NFIA: variants seen among roughly 807,000 people sequenced by gnomAD.
NFIA encodes nuclear factor I A, also known as nuclear factor 1 A-type.
Under a neutral mutation model 62.8 loss-of-function variants are expected in NFIA, and 8 were observed. The observed-to-expected ratio is 0.13, with a 90% CI of 0.07 to 0.23. The LOEUF (loss-of-function observed/expected upper bound fraction) is 0.23, where lower values mean the gene tolerates loss of function less well. Among genes scored for constraint, NFIA ranks in the 10% least tolerant of loss-of-function variants. The probability of loss-of-function intolerance (pLI) is 1.00; values close to 1 mark genes in which losing one functional copy is unlikely to be tolerated. For missense variants in NFIA, 410 were observed against 642.1 expected (o/e 0.64, Z 3.91); for synonymous variants, 235 against 238.1 (o/e 0.99, Z 0.12).
intron 4 of NFIA, among the ~76,000 whole-genome samples, chr1:61,336,752 G>A (rs567715104): frequency 6.6e-6 from 1 of 152,164 alleles, no homozygotes; most frequent in African/African-American, 2.4e-5. Context: ...TGGTCTCAGT[G>A]TCCTACAATC....
chr1:61,352,270 T>G (rs901684303), intron 4 of NFIA, among the ~76,000 whole-genome samples, 180 bp from the exon 5 acceptor site: 1 of 152,226 alleles, frequency 6.6e-6, no homozygotes, highest in African/African-American at 2.4e-5. Flanking sequence ...AATATGCCTT[T>G]CCTGTATAGA....
chr1:61,459,602 G>C lies in NFIA; in HGVS notation c.*4282G>C, dbSNP rs978135903. The C allele has an allele frequency of 6.6e-6, 1 of 152,244 alleles. No individual in the cohort carries two copies. The highest frequency in any genetic ancestry group is 2.1e-4 in the South Asian group (1 of 4,828). The allele number at this position is 152,244 out of a possible 1,614,324, so 9.4% of individuals were successfully genotyped here. On this transcript the variant is annotated 3_prime_UTR_variant, in exon 11 of 11. Transcript: ENST00000403491. ...CAAGGTTACACCTCCCAGAGCTTGT[G>C]ATCTTCATTTTCTGACAGTCAAAGT...
intron 2 of NFIA, among the ~76,000 whole-genome samples, chr1:61,162,435 A>G (rs955000208): frequency 6.6e-6 from 1 of 152,226 alleles, no homozygotes; most frequent in African/African-American, 2.4e-5. Context: ...AGACAGAGTT[A>G]TAAATGATCT....
rs1255361345 is a variant in NFIA, at chr1:61,426,518, C to G, written c.1474C>G (p.Arg492Gly). Reference sequence around the variant, plus strand: ...AAACCGATTCGTCAGTGTTGGACCACGGGATCCAAGCTTTGTAAATATCCC... The same window carrying G: ...AAACCGATTCGTCAGTGTTGGACCAGGGGATCCAAGCTTTGTAAATATCCC... ...PANRFVSVGP[R>G]DPSFVNIPQQ... Residue 492 changes from arginine (R) to glycine (G), a missense_variant, in exon 10 of 11, where the codon CGG becomes GGG. Coordinates refer to ENST00000403491, the MANE Select transcript of NFIA (RefSeq NM_001134673.4). 2.6e-6 allele frequency: 4 copies of G among 1,551,940 alleles called. No homozygotes were observed. The South Asian group carries it at 4.8e-5, about 18-fold the overall frequency.
rs1445969902 is a variant in NFIA, at chr1:61,343,516, G to A, written c.701-8934G>A. 3.3e-5 allele frequency among the ~76,000 whole-genome samples: 5 copies of A among 152,236 alleles called. No homozygotes were observed. The South Asian group carries it at 6.2e-4, about 19-fold the overall frequency. On this transcript the variant is annotated intron_variant, in intron 4 of 10. Transcript: ENST00000403491. ...TCATGGGGTTAAAAAATATTCTACTGGCTTTTGTCACCTAATAGTACATTT... is the reference window on the plus strand; with the variant it reads ...TCATGGGGTTAAAAAATATTCTACTAGCTTTTGTCACCTAATAGTACATTT...
chr1:61,245,502 AATTG>A (rs1443111826), intron 2 of NFIA, among the ~76,000 whole-genome samples: 1 of 152,144 alleles, frequency 6.6e-6, no homozygotes, highest in East Asian at 1.9e-4. Flanking sequence ...TTCTATTAAT[AATTG>A]ATTATTATTT....
chr1:61,252,554 T>C (rs1396944665), intron 2 of NFIA, among the ~76,000 whole-genome samples: 1 of 152,244 alleles, frequency 6.6e-6, no homozygotes, highest in Non-Finnish European at 1.5e-5. Context: ...GAGAAGGTTG[T>C]AAAAATAAGA....
At chr1:61,086,764 A>G (rs1037587524) in intron 1 of NFIA, among the ~76,000 whole-genome samples, 4 of 152,208 alleles carry the variant, frequency 2.6e-5, no homozygotes, top group African/African-American at 9.6e-5. Flanking sequence ...ACATTTGAAC[A>G]TTTAAAAATT....
At chr1:61,383,184 A>C in intron 6 of NFIA, 53 bp from the exon 7 acceptor site, 1 of 1,600,640 alleles carries the variant, frequency 6.2e-7, no homozygotes, top group Non-Finnish European at 8.5e-7. Context: ...TAGGTTGCAC[A>C]AATCATTGTT....
At chr1:61,348,266 C>T (rs1557723152) in intron 4 of NFIA, among the ~76,000 whole-genome samples, 1 of 152,198 alleles carries the variant, frequency 6.6e-6, no homozygotes, top group Non-Finnish European at 1.5e-5. Flanking sequence ...TACCTACAGG[C>T]AGTTGCAGGG....
chr1:61,395,902 A>G (rs1008375925), intron 7 of NFIA, among the ~76,000 whole-genome samples: 5 of 152,240 alleles, frequency 3.3e-5, no homozygotes, highest in African/African-American at 1.2e-4. Context: ...AATATCCCAT[A>G]AACATTTTTA....
intron 3 of NFIA, among the ~76,000 whole-genome samples, chr1:61,327,471 C>T (rs1661013538): frequency 6.6e-6 from 1 of 151,968 alleles, no homozygotes; most frequent in Non-Finnish European, 1.5e-5. Flanking sequence ...CGTCTGCACA[C>T]CCATAGCTTA....
intron 9 of NFIA, among the ~76,000 whole-genome samples, chr1:61,413,564 G>A (rs1666203575): frequency 6.7e-6 from 1 of 150,076 alleles, no homozygotes; most frequent in Admixed American, 6.6e-5. Flanking sequence ...ATTCTGGGGG[G>A]AACCACAGCT....
At chr1:61,216,081 T>C (rs1448076213) in intron 2 of NFIA, among the ~76,000 whole-genome samples, 2 of 152,234 alleles carry the variant, frequency 1.3e-5, no homozygotes, top group African/African-American at 4.8e-5. Flanking sequence ...TCATATCTTG[T>C]TGTAAACCAT....
At chr1:61,290,306 T>G (rs2806426) in intron 3 of NFIA, among the ~76,000 whole-genome samples, 130,869 of 152,158 alleles carry the variant, frequency 0.86, 56,690 homozygotes, top group Non-Finnish European at 0.92. Flanking sequence ...TGCAAAAGAT[T>G]TAGGAGTATA....
chr1:61,113,751 T>TGGTGA (rs1553151780), intron 2 of NFIA, among the ~76,000 whole-genome samples: 8 of 151,792 alleles, frequency 5.3e-5, no homozygotes, highest in Non-Finnish European at 1.2e-4. Context: ...GAGGCCATGG[T>TGGTGA]GGAGAGAAGA....
chr1:61,225,315 A>G (rs2100622872), intron 2 of NFIA, among the ~76,000 whole-genome samples: 1 of 151,868 alleles, frequency 6.6e-6, no homozygotes, highest in East Asian at 1.9e-4. Context: ...CAGTGGCCCA[A>G]TCTCAGCTCA....
chr1:61,182,173 A>G (rs1473428795), intron 2 of NFIA, among the ~76,000 whole-genome samples: 2 of 152,186 alleles, frequency 1.3e-5, no homozygotes, highest in Non-Finnish European at 2.9e-5. Context: ...CTGTGACTAC[A>G]TGAGCTAACC....
At position 61,456,600 on chromosome 1, in the gene NFIA, T is replaced by C. The variant is rs1003908394; in HGVS notation, c.*1280T>C. On this transcript the variant is annotated 3_prime_UTR_variant, in exon 11 of 11. Coordinates refer to ENST00000403491, the MANE Select transcript of NFIA (RefSeq NM_001134673.4). ...ATTTATCAGTTATCAGACACCTCAT[T>C]GTACCAGAGATTGTCCAGAAGTTTT... 4.0e-5 allele frequency: 6 copies of C among 151,218 alleles called. No homozygotes were observed. The highest frequency in any genetic ancestry group is 7.3e-5 in the African/African-American group (3 of 41,280). The allele number at this position is 151,218 out of a possible 1,614,324, so 9.4% of individuals were successfully genotyped here.
Sources: gnomAD v4.1 joint callset for allele counts (sites outside exome capture counted in the v4.1 genomes callset) on GRCh38, gnomAD v4.1.1 for gene constraint, MANE v1.5 for transcripts, NCBI Gene and HGNC (gene_info 2026-07-23, HGNC 2026-07-21) for gene names.